DSCAM: variants seen among roughly 807,000 people sequenced by gnomAD.
DSCAM encodes DS cell adhesion molecule.
A neutral mutation model predicts 217.7 loss-of-function variants in DSCAM; 47 were observed. The observed-to-expected ratio is 0.22, with a 90% CI of 0.17 to 0.28. The LOEUF (loss-of-function observed/expected upper bound fraction) is 0.28, where lower values mean the gene tolerates loss of function less well. Among genes scored for constraint, DSCAM ranks in the 10% least tolerant of loss-of-function variants. DSCAM has a pLI of 1.00. For synonymous variants in DSCAM, 1,056 were observed against 1,015.3 expected (o/e 1.04, Z -0.76); for missense variants, 2,080 against 2,618.3 (o/e 0.79, Z 4.49).
chr21:40,352,661 A>G (rs1176925076), intron 5 of DSCAM, among the ~76,000 whole-genome samples: 2 of 152,194 alleles, frequency 1.3e-5, no homozygotes, highest in Admixed American at 6.5e-5. Context: ...TTCATCAAAT[A>G]AAAATATATT....
At chr21:40,187,328 G>A in intron 13 of DSCAM, 69 bp from the exon 14 acceptor site, 1 of 1,578,144 alleles carries the variant, frequency 6.3e-7, no homozygotes, top group Non-Finnish European at 8.6e-7. Context: ...TAGTGGAAAT[G>A]CTGAGCGTGA....
intron 19 of DSCAM, among the ~76,000 whole-genome samples, chr21:40,131,181 A>G (rs964199919): frequency 1.3e-5 from 2 of 152,210 alleles, no homozygotes; most frequent in African/African-American, 4.8e-5. Context: ...TATAAATACG[A>G]TCTGTAATCA....
chr21:40,665,003 C>T (rs1369136984), intron 3 of DSCAM, among the ~76,000 whole-genome samples: 7 of 152,108 alleles, frequency 4.6e-5, no homozygotes, highest in African/African-American at 1.4e-4. Flanking sequence ...CTGCTTTCCC[C>T]GTGTGGTGTG....
intron 4 of DSCAM, among the ~76,000 whole-genome samples, chr21:40,361,497 T>C (rs571801285): frequency 1.3e-3 from 203 of 152,228 alleles, no homozygotes; most frequent in African/African-American, 4.4e-3. Context: ...TGCATGCCTG[T>C]AGTCCCAGCT....
At chr21:40,496,117 A>G (rs28754894) in intron 3 of DSCAM, among the ~76,000 whole-genome samples, 69 of 152,324 alleles carry the variant, frequency 4.5e-4, no homozygotes, top group African/African-American at 1.5e-3. Context: ...TGATCTACAA[A>G]TTCAATGCAC....
intron 3 of DSCAM, among the ~76,000 whole-genome samples, chr21:40,412,476 G>A (rs995039930): frequency 1.6e-4 from 24 of 152,206 alleles, no homozygotes; most frequent in African/African-American, 5.8e-4. Flanking sequence ...GGAACTTGTT[G>A]GGAACTGGAG....
intron 1 of DSCAM, among the ~76,000 whole-genome samples, chr21:40,826,871 T>A (rs1328464471): frequency 6.6e-6 from 1 of 152,128 alleles, no homozygotes; most frequent in Non-Finnish European, 1.5e-5. Flanking sequence ...GGATCTGGAT[T>A]TGAGCTCAGA....
chr21:40,795,530 G>A lies in DSCAM; in HGVS notation c.43+51089C>T, dbSNP rs79174913. 4.5e-3 allele frequency among the ~76,000 whole-genome samples: 686 copies of A among 152,242 alleles called. 9 individuals are homozygous for A. The highest frequency in any genetic ancestry group is 0.015 in the African/African-American group (622 of 41,542). ...CAATTAGATAACAGTGAATGAGGGC[G>A]TCTATGAAGAGTGTACTCACAAACT... On this transcript the variant is annotated intron_variant, in intron 1 of 32. Coordinates refer to ENST00000400454, the MANE Select transcript of DSCAM (RefSeq NM_001389.5).
Position 40,669,834 on chromosome 21 carries a change from G to C in DSCAM, c.508+22976C>G, listed in dbSNP as rs138243100. On this transcript the variant is annotated intron_variant, in intron 3 of 32. Coordinates refer to ENST00000400454, the MANE Select transcript of DSCAM (RefSeq NM_001389.5). The stretch of plus-strand genomic sequence containing the variant: ...AATCTGCCCGCCTAGGCCTCCCAAA[G>C]TGCTGAGATTACAGGCATGAGCTAC... Among the ~76,000 whole-genome samples the C allele has an allele frequency of 3.3e-5, 5 of 152,048 alleles. No homozygotes were observed. The East Asian group carries it at 9.7e-4, about 30-fold the overall frequency.
intron 8 of DSCAM, among the ~76,000 whole-genome samples, chr21:40,330,220 G>A (rs1475300216): frequency 1.4e-5 from 2 of 147,986 alleles, no homozygotes; most frequent in African/African-American, 2.5e-5. Context: ...AATATGTAAT[G>A]TAATATATGC....
chr21:40,396,595 G>A (rs2075180758), intron 3 of DSCAM, among the ~76,000 whole-genome samples: 1 of 152,132 alleles, frequency 6.6e-6, no homozygotes, highest in African/African-American at 2.4e-5. Context: ...CCACTGGTCT[G>A]TGAGGAAAAT....
intron 4 of DSCAM, among the ~76,000 whole-genome samples, chr21:40,362,480 T>C (rs938599378): frequency 1.1e-4 from 17 of 152,192 alleles, no homozygotes; most frequent in Non-Finnish European, 1.3e-4. Context: ...TTCCACAAAA[T>C]GTATGGTTTT....
intron 23 of DSCAM, 84 bp downstream of exon 23, chr21:40,085,518 T>C: frequency 8.0e-7 from 1 of 1,251,942 alleles, no homozygotes; most frequent in Non-Finnish European, 1.0e-6. Flanking sequence ...TAAGGGCTGA[T>C]TTTAAAATTT....
chr21:40,461,934 A>G (rs1462572595), intron 3 of DSCAM, among the ~76,000 whole-genome samples: 1 of 152,234 alleles, frequency 6.6e-6, no homozygotes, highest in African/African-American at 2.4e-5. Context: ...CCTTAATTTT[A>G]GACCACTGAG....
At chr21:40,354,657 G>A (rs557571007) in intron 4 of DSCAM, among the ~76,000 whole-genome samples, 222 of 151,992 alleles carry the variant, frequency 1.5e-3, no homozygotes, top group Middle Eastern at 6.8e-3. Flanking sequence ...AGACCATCCC[G>A]GCTAACACGG....
chr21:40,418,848 T>C (rs2075396221), intron 3 of DSCAM, among the ~76,000 whole-genome samples: 1 of 151,594 alleles, frequency 6.6e-6, no homozygotes, highest in African/African-American at 2.4e-5. Context: ...TCACAAAAAT[T>C]TAGAGAAAAA....
intron 3 of DSCAM, among the ~76,000 whole-genome samples, chr21:40,406,142 A>C (rs1437421342): frequency 6.6e-6 from 1 of 152,242 alleles, no homozygotes; most frequent in East Asian, 1.9e-4. Flanking sequence ...CAATAAGATG[A>C]AAGAAAACAA....
At chr21:40,260,005 G>T (rs2073428734) in intron 11 of DSCAM, among the ~76,000 whole-genome samples, 1 of 151,936 alleles carries the variant, frequency 6.6e-6, no homozygotes, top group East Asian at 1.9e-4. Flanking sequence ...GGGATTACAG[G>T]CGTGAGCCAC....
intron 32 of DSCAM, among the ~76,000 whole-genome samples, chr21:40,021,226 AG>A (rs2088265042): frequency 6.7e-6 from 1 of 149,908 alleles, no homozygotes; most frequent in African/African-American, 2.5e-5. Flanking sequence ...AAAAAAAAAA[AG>A]AAAAGAAACA....
Sources: gnomAD v4.1 joint callset for allele counts (sites outside exome capture counted in the v4.1 genomes callset) on GRCh38, gnomAD v4.1.1 for gene constraint, MANE v1.5 for transcripts, NCBI Gene and HGNC (gene_info 2026-07-23, HGNC 2026-07-21) for gene names.